The following TMC5 variants were observed in gnomAD, a reference collection of about 807,000 sequenced individuals.
TMC5 encodes the protein transmembrane channel like 5, also known as transmembrane channel-like protein 5.
Under a neutral mutation model 110.5 loss-of-function variants are expected in TMC5, and 86 were observed. The observed-to-expected ratio is 0.78, with a 90% confidence interval of 0.65 to 0.93. The LOEUF (loss-of-function observed/expected upper bound fraction) is 0.93. TMC5 is among the 40% of genes least tolerant of loss of function. The pLI is 0.00. For synonymous variants in TMC5, 455 were observed against 439.5 expected, an observed-to-expected ratio of 1.04 and a Z score of -0.44; for missense variants, 1,144 against 1,222.8, an observed-to-expected ratio of 0.94 and a Z score of 0.96.
upstream of TMC5, among the ~76,000 whole-genome samples, chr16:19,417,025 C>A (rs956438332): frequency 1.6e-5 from 2 of 123,032 alleles, no homozygotes; most frequent in African/African-American, 6.4e-5. Flanking sequence ...ACCTGGGAGG[C>A]GGAGGTTGCA....
chr16:19,491,539 T>TC (rs11389177), intron 18 of TMC5, among the ~76,000 whole-genome samples: 3,351 of 149,322 alleles, frequency 0.022, 152 homozygotes, highest in African/African-American at 0.078. Context: ...AGGGATTTTT[T>TC]TTTTTTTTTT....
intron 20 of TMC5, among the ~76,000 whole-genome samples, chr16:19,495,904 C>T (rs193150592): frequency 4.6e-5 from 7 of 152,060 alleles, no homozygotes; most frequent in South Asian, 2.1e-4. Context: ...GAGGCCGAGG[C>T]GGGCTTATCA....
rs1162416514 is a variant in TMC5 at position 19,464,037 on chromosome 16, C to A, written c.1485+13C>A. On this transcript the variant is annotated intron_variant, in intron 8 of 21. Coordinates refer to ENST00000542583, the MANE Select transcript of TMC5 (RefSeq NM_001261841.2). ...TTTCACTGGGGTGGTAAGTCCTCCACTTCCCCTACCCCAAGTGCACCAATC... is the reference window on the plus strand; with the variant it reads ...TTTCACTGGGGTGGTAAGTCCTCCAATTCCCCTACCCCAAGTGCACCAATC... 6.2e-7 allele frequency: 1 copy of A among 1,612,232 alleles called. No homozygotes were observed. The highest frequency in any genetic ancestry group is 1.7e-5 in the Admixed American group (1 of 59,870).
upstream of TMC5, among the ~76,000 whole-genome samples, chr16:19,415,721 C>G (rs898748272): frequency 2.2e-4 from 34 of 152,302 alleles, no homozygotes; most frequent in African/African-American, 7.0e-4. Flanking sequence ...TGCCCTTTCA[C>G]CCCAGTAATG....
chr16:19,482,951 C>T (rs1458573994), intron 15 of TMC5, among the ~76,000 whole-genome samples: 1 of 152,016 alleles, frequency 6.6e-6, no homozygotes, highest in African/African-American at 2.4e-5. Flanking sequence ...GCAACCTCCA[C>T]CTCCCGGGTT....
Position 19,463,313 on chromosome 16 carries a change from C to A in TMC5, c.1182C>A (p.Thr394=). The part of the protein sequence containing the change: ...KIVDKEKSKQ[T]HRILQLNCCI... Reference sequence around the variant, plus strand: ...TTGACAAAGAAAAAAGCAAACAGACCCATCGTATCCTTCAGCTCAATTGCT... The same window carrying A: ...TTGACAAAGAAAAAAGCAAACAGACACATCGTATCCTTCAGCTCAATTGCT... The change falls in exon 7 of 22, where the codon ACC becomes ACA. Residue 394 remains threonine, a synonymous_variant. Coordinates refer to ENST00000542583, the MANE Select transcript of TMC5 (RefSeq NM_001261841.2). 2.5e-6 allele frequency: 4 copies of A among 1,614,024 alleles called. No homozygotes were observed. The highest frequency in any genetic ancestry group is 3.4e-6 in the Non-Finnish European group (4 of 1,179,976).
chr16:19,476,439 C>T (rs955298839), intron 12 of TMC5, among the ~76,000 whole-genome samples: 5 of 152,104 alleles, frequency 3.3e-5, no homozygotes, highest in Admixed American at 1.3e-4. Context: ...TCCCAGCCAC[C>T]GATCCATGGT....
At chr16:19,472,014 G>T in intron 10 of TMC5, 74 bp from the exon 11 acceptor site, 1 of 1,498,992 alleles carries the variant, frequency 6.7e-7, no homozygotes, top group Non-Finnish European at 9.1e-7. Flanking sequence ...ACCCGCCTTG[G>T]CCTCCCAAAG....
At chr16:19,456,719 G>C in intron 5 of TMC5, 1 of 1,608,880 alleles carries the variant, frequency 6.2e-7, no homozygotes, top group Non-Finnish European at 8.5e-7. Context: ...GCTGTCCGAT[G>C]ACCACGTGAA....
intron 4 of TMC5, among the ~76,000 whole-genome samples, chr16:19,447,017 TAATAAC>T (rs1035836068): frequency 1.6e-4 from 24 of 148,266 alleles, no homozygotes; most frequent in African/African-American, 6.1e-4. Context: ...TTAACTGAGT[TAATAAC>T]AACAACAACA....
chr16:19,443,742 ATGGATGGATGAATGTATGTATGGT>A (rs1230402771), intron 3 of TMC5, among the ~76,000 whole-genome samples: 1 of 152,084 alleles, frequency 6.6e-6, no homozygotes, highest in Non-Finnish European at 1.5e-5. Context: ...GGACGGATAG[ATGGATGGATGAATGTATGTATGGT>A]TGGATGGATG....
chr16:19,495,644 G>C (rs1202844732), intron 20 of TMC5, among the ~76,000 whole-genome samples: 2 of 152,012 alleles, frequency 1.3e-5, no homozygotes, highest in African/African-American at 4.8e-5. Context: ...TTGAGGCCAG[G>C]AGTTTAAGAC....
intron 10 of TMC5, among the ~76,000 whole-genome samples, chr16:19,471,047 C>CA: frequency 6.6e-6 from 1 of 151,850 alleles, no homozygotes; most frequent in South Asian, 2.1e-4. Flanking sequence ...CAGAAAAAAA[C>CA]AAAGAGCAAG....
At position 19,463,796 on chromosome 16, in the gene TMC5, C is replaced by T. The variant is rs200917062; in HGVS notation, c.1257C>T (p.Asn419=). The T allele has an allele frequency of 5.6e-5, 91 of 1,614,150 alleles. No homozygotes were observed. In the Admixed American group the frequency reaches 1.5e-3, roughly 26 times the overall value. The change falls in exon 8 of 22, where the codon AAC becomes AAT. Residue 419 remains asparagine (N), a synonymous_variant. Coordinates refer to ENST00000542583, the MANE Select transcript of TMC5 (RefSeq NM_001261841.2). ...TCCAGGCTTATCGGAGATCCAAGAA[C>T]AGCCTGTCGGAAATTCTGAATTCCA... is the stretch of plus-strand genomic sequence containing the variant. The part of the protein sequence containing the change: ...SISRAYRRSK[N]SLSEILNSIS...
chr16:19,419,414 T>TG (rs1555478300), intron 1 of TMC5, among the ~76,000 whole-genome samples: 9 of 131,168 alleles, frequency 6.9e-5, no homozygotes, highest in African/African-American at 1.1e-4. Context: ...TTTTTTTTTT[T>TG]TTTTTTTTTT....
intron 12 of TMC5, among the ~76,000 whole-genome samples, chr16:19,477,233 G>A (rs942383455): frequency 2.6e-5 from 4 of 151,806 alleles, no homozygotes; most frequent in Non-Finnish European, 5.9e-5. Flanking sequence ...GGGTGACTGA[G>A]CAAGACTCCG....
intron 14 of TMC5, among the ~76,000 whole-genome samples, chr16:19,480,624 G>A (rs1450706284): frequency 2.0e-5 from 3 of 152,150 alleles, no homozygotes; most frequent in Non-Finnish European, 2.9e-5. Flanking sequence ...GGCCAACGTG[G>A]TGAAACCCTG....
intron 2 of TMC5, among the ~76,000 whole-genome samples, chr16:19,434,278 CTATA>C (rs1169027782): frequency 1.7e-5 from 1 of 57,904 alleles, no homozygotes; most frequent in East Asian, 5.9e-4. Flanking sequence ...ATATATAGAT[CTATA>C]TATAATATAT....
chr16:19,492,242 G>A lies in TMC5; in HGVS notation c.2826+14G>A. 1 of 1,590,256 alleles carries A rather than the reference G, an allele frequency of 6.3e-7. No individual in the cohort carries two copies. Among genetic ancestry groups the A allele is most frequent in the South Asian group, 1.1e-5 (1 of 90,496 alleles). Reference sequence around the variant, plus strand: ...CAGATCATTAATGTAAGTCCCCTTGGATCCCTCTGATGTCCGCCCTCACCC... The same window carrying A: ...CAGATCATTAATGTAAGTCCCCTTGAATCCCTCTGATGTCCGCCCTCACCC... On this transcript the variant is annotated intron_variant, in intron 19 of 21. Coordinates refer to ENST00000542583, the MANE Select transcript of TMC5 (RefSeq NM_001261841.2).
Sources: gnomAD v4.1 joint callset for allele counts (sites outside exome capture counted in the v4.1 genomes callset) on GRCh38, gnomAD v4.1.1 for gene constraint, MANE v1.5 for transcripts, NCBI Gene and HGNC (gene_info 2026-07-23, HGNC 2026-07-21) for gene names.